PPP1R1C: variants seen among roughly 807,000 people sequenced by gnomAD.
PPP1R1C encodes protein phosphatase 1 regulatory subunit 1C.
A neutral mutation model predicts 17.4 loss-of-function variants in PPP1R1C; 15 were observed. The ratio of observed to expected loss-of-function variants is 0.86; its 90% CI spans 0.58 to 1.33. The LOEUF is 1.33. Among genes scored for constraint, PPP1R1C ranks in the 40% most tolerant of loss-of-function variants. PPP1R1C has a pLI of 0.00. For synonymous variants in PPP1R1C, 35 were observed against 43.1 expected, an observed-to-expected ratio of 0.81 and a Z score of 0.73; for missense variants, 143 against 130.0, an observed-to-expected ratio of 1.10 and a Z score of -0.48.
At chr2:182,078,367 T>G (rs920382115) in intron 4 of PPP1R1C, among the ~76,000 whole-genome samples, 1 of 151,950 alleles carries the variant, frequency 6.6e-6, no homozygotes, top group Non-Finnish European at 1.5e-5. Context: ...CTAGATAGAG[T>G]AGGCAGGTAT....
At chr2:182,059,948 C>A (rs2125195322) in intron 2 of PPP1R1C, among the ~76,000 whole-genome samples, 1 of 152,148 alleles carries the variant, frequency 6.6e-6, no homozygotes, top group South Asian at 2.1e-4. Flanking sequence ...TAAGGAACCC[C>A]ACTGGCATTT....
chr2:182,098,243 T>C (rs1291769616), intron 4 of PPP1R1C, among the ~76,000 whole-genome samples: 2 of 152,174 alleles, frequency 1.3e-5, no homozygotes, highest in Non-Finnish European at 2.9e-5. Context: ...ACTGTTGCAT[T>C]TGTACTTGTA....
At chr2:182,108,528 C>T (rs1162335915) in intron 4 of PPP1R1C, among the ~76,000 whole-genome samples, 1 of 152,150 alleles carries the variant, frequency 6.6e-6, no homozygotes. Context: ...CACATTAATA[C>T]CTGAGCCCAG....
At chr2:182,116,830 G>T (rs1001149235) in intron 4 of PPP1R1C, among the ~76,000 whole-genome samples, 1 of 152,120 alleles carries the variant, frequency 6.6e-6, no homozygotes, top group Non-Finnish European at 1.5e-5. Context: ...GTTCCTAGGG[G>T]TTTCAATAGT....
At chr2:181,979,973 C>T (rs1434438229) in intron 2 of PPP1R1C, among the ~76,000 whole-genome samples, 1 of 152,124 alleles carries the variant, frequency 6.6e-6, no homozygotes, top group East Asian at 1.9e-4. Context: ...CAGACATCAC[C>T]CTCCTACCTA....
chr2:182,083,945 A>G (rs569978660), intron 4 of PPP1R1C, among the ~76,000 whole-genome samples: 11 of 152,188 alleles, frequency 7.2e-5, no homozygotes, highest in African/African-American at 2.4e-4. Flanking sequence ...TAACTTTTTA[A>G]TAATTACCAT....
intron 5 of PPP1R1C, among the ~76,000 whole-genome samples, chr2:182,125,905 A>G (rs1559103663): frequency 6.6e-6 from 1 of 152,026 alleles, no homozygotes; most frequent in Non-Finnish European, 1.5e-5. Context: ...TTGTGTCTCT[A>G]TCTCCTTCAC....
rs143995984 is a variant in PPP1R1C at position 182,105,689 on chromosome 2, G to C, written c.242-11518G>C. Among the ~76,000 whole-genome samples, 5 of 152,310 alleles carry C rather than the reference G, an allele frequency of 3.3e-5. No homozygotes were observed. The East Asian group carries it at 7.7e-4, about 24-fold the overall frequency. ...GACAGCATAAAAGAAAGGAAGATTT[G>C]ATATAGTCTGATAGCAGGTGCTTCC... On this transcript the variant is annotated intron_variant, in intron 4 of 4. Coordinates refer to ENST00000682840, the MANE Select transcript of PPP1R1C (RefSeq NM_001080545.3).
At chr2:181,986,822 C>A (rs1010077569) in intron 1 of PPP1R1C, among the ~76,000 whole-genome samples, 2 of 152,142 alleles carry the variant, frequency 1.3e-5, no homozygotes, top group African/African-American at 4.8e-5. Flanking sequence ...CTTTCATATT[C>A]AGATTTACTT....
chr2:182,120,698 C>A (rs916641346), downstream of PPP1R1C, among the ~76,000 whole-genome samples: 3 of 152,092 alleles, frequency 2.0e-5, no homozygotes, highest in Non-Finnish European at 4.4e-5. Flanking sequence ...ATAACATTGC[C>A]CTTCCCTTTC....
chr2:182,053,418 T>G (rs1196389732), intron 2 of PPP1R1C, among the ~76,000 whole-genome samples: 1 of 152,240 alleles, frequency 6.6e-6, no homozygotes, highest in Non-Finnish European at 1.5e-5. Flanking sequence ...TTCGATTGTC[T>G]GAAAATGGCT....
chr2:182,117,081 T>G, intron 4 of PPP1R1C, 126 bp from the exon 5 acceptor site: 1 of 702,170 alleles, frequency 1.4e-6, no homozygotes, highest in Non-Finnish European at 2.5e-6. Flanking sequence ...TTGTTAAGAT[T>G]CTTGGAGAAA....
chr2:182,087,137 G>T (rs980108766), intron 4 of PPP1R1C, among the ~76,000 whole-genome samples: 37 of 152,196 alleles, frequency 2.4e-4, no homozygotes, highest in Non-Finnish European at 1.0e-4. Flanking sequence ...TGTTGTTTGA[G>T]CTGTCGATAG....
At chr2:182,090,319 G>GTGTGTGTGTGTGTGTGTC (rs1688746680) in intron 4 of PPP1R1C, among the ~76,000 whole-genome samples, 1 of 145,864 alleles carries the variant, frequency 6.9e-6, no homozygotes, top group African/African-American at 2.8e-5. Context: ...GTGTGTGTCA[G>GTGTGTGTGTGTGTGTGTC]AGAGAGACAG....
At chr2:181,990,728 C>G (rs756249314) in intron 2 of PPP1R1C, among the ~76,000 whole-genome samples, 1 of 152,204 alleles carries the variant, frequency 6.6e-6, no homozygotes, top group Non-Finnish European at 1.5e-5. Flanking sequence ...TTTGAACACT[C>G]TCTATCAAAC....
chr2:181,991,242 C>T (rs1685465623), intron 2 of PPP1R1C, among the ~76,000 whole-genome samples: 1 of 151,868 alleles, frequency 6.6e-6, no homozygotes, highest in Non-Finnish European at 1.5e-5. Flanking sequence ...GATGTATATT[C>T]AGATTTTTTG....
chr2:182,126,186 T>C (rs1689868730), intron 5 of PPP1R1C, among the ~76,000 whole-genome samples: 1 of 151,968 alleles, frequency 6.6e-6, no homozygotes, highest in African/African-American at 2.4e-5. Flanking sequence ...TCTTTATATG[T>C]TTTTTTGGCC....
intron 4 of PPP1R1C, among the ~76,000 whole-genome samples, chr2:182,093,564 A>T (rs539340704): frequency 6.6e-6 from 1 of 152,294 alleles, no homozygotes; most frequent in African/African-American, 2.4e-5. Flanking sequence ...CCAAACATTT[A>T]TGCTCTGCTT....
intron 1 of PPP1R1C, among the ~76,000 whole-genome samples, chr2:181,966,940 G>A (rs1365001686): frequency 1.3e-5 from 2 of 152,074 alleles, no homozygotes; most frequent in Admixed American, 6.5e-5. Context: ...GGGGGTGCTT[G>A]GCTTTTCCTT....
Sources: gnomAD v4.1 joint callset for allele counts (sites outside exome capture counted in the v4.1 genomes callset) on GRCh38, gnomAD v4.1.1 for gene constraint, MANE v1.5 for transcripts, NCBI Gene and HGNC (gene_info 2026-07-23, HGNC 2026-07-21) for gene names.